The following EPHA6 variants were observed in gnomAD, a reference collection of about 807,000 sequenced individuals.
EPHA6 encodes EPH receptor A6.
A neutral mutation model predicts 112.0 loss-of-function variants in EPHA6; 50 were observed. That is an observed-to-expected ratio of 0.45 (90% CI 0.36 to 0.56). The LOEUF (loss-of-function observed/expected upper bound fraction) is 0.56, where lower values mean the gene tolerates loss of function less well. Ranked by LOEUF, EPHA6 falls within the 20% of genes least tolerant of loss-of-function variation. The probability of loss-of-function intolerance (pLI) is 0.00; values close to 1 mark genes in which losing one functional copy is unlikely to be tolerated. For missense variants in EPHA6, 1,280 were observed against 1,417.4 expected (o/e 0.90, Z 1.56); for synonymous variants, 529 against 490.7 (o/e 1.08, Z -1.03).
chr3:97,455,001 C>G (rs1003940041), intron 7 of EPHA6, among the ~76,000 whole-genome samples: 3 of 151,958 alleles, frequency 2.0e-5, no homozygotes, highest in African/African-American at 7.2e-5. Flanking sequence ...AGCACACTTT[C>G]AACATTGGCA....
intron 15 of EPHA6, among the ~76,000 whole-genome samples, chr3:97,727,864 A>T (rs1158488690): frequency 6.6e-6 from 1 of 152,068 alleles, no homozygotes; most frequent in Non-Finnish European, 1.5e-5. Flanking sequence ...GAATATTACA[A>T]GATGTAATCA....
chr3:97,487,831 G>A (rs914809222), intron 10 of EPHA6, among the ~76,000 whole-genome samples: 1 of 152,138 alleles, frequency 6.6e-6, no homozygotes, highest in South Asian at 2.1e-4. Flanking sequence ...TATCTCCTTT[G>A]GCTTTTTTGC....
chr3:97,065,097 T>A (rs2046136563), intron 3 of EPHA6, among the ~76,000 whole-genome samples: 1 of 152,178 alleles, frequency 6.6e-6, no homozygotes, highest in Non-Finnish European at 1.5e-5. Flanking sequence ...CTGTCAAAAT[T>A]CTTTGAACTA....
At chr3:97,089,932 T>C (rs2047011230) in intron 3 of EPHA6, among the ~76,000 whole-genome samples, 1 of 152,130 alleles carries the variant, frequency 6.6e-6, no homozygotes, top group Admixed American at 6.6e-5. Context: ...ACTTCCTGAA[T>C]AAGGGATAAA....
At chr3:96,873,430 C>G (rs558940119) in intron 2 of EPHA6, among the ~76,000 whole-genome samples, 1 of 152,054 alleles carries the variant, frequency 6.6e-6, no homozygotes, top group Admixed American at 6.6e-5. Flanking sequence ...TTTGCTGGAC[C>G]AGGCAAAATA....
rs147644276 is a variant in EPHA6, at chr3:97,053,300, T to A, written c.1114+65307T>A. ...GTAGAGAGTACTCACAGGGTTAGTCTGGTCTAGAGAAGGACTAGTAAGTTC... is the reference window on the plus strand; with the variant it reads ...GTAGAGAGTACTCACAGGGTTAGTCAGGTCTAGAGAAGGACTAGTAAGTTC... On this transcript the variant is annotated intron_variant, in intron 3 of 17. Transcript: ENST00000389672. Among the ~76,000 whole-genome samples, 816 of 152,174 alleles carry A rather than the reference T, an allele frequency of 5.4e-3. 7 individuals carry two copies. Among genetic ancestry groups the A allele is most frequent in the African/African-American group, 0.019 (795 of 41,516 alleles).
At chr3:97,620,741 A>G (rs1235624467) in intron 13 of EPHA6, among the ~76,000 whole-genome samples, 1 of 152,090 alleles carries the variant, frequency 6.6e-6, no homozygotes, top group African/African-American at 2.4e-5. Context: ...CAGAATGGCT[A>G]TTATTAAAAA....
chr3:96,904,349 CTG>C (rs2038800459), intron 2 of EPHA6, among the ~76,000 whole-genome samples: 1 of 150,754 alleles, frequency 6.6e-6, no homozygotes, highest in Admixed American at 6.7e-5. Context: ...CAGCAAACTA[CTG>C]CAAGGACAAA....
chr3:97,341,374 C>G (rs75873146), intron 5 of EPHA6, among the ~76,000 whole-genome samples: 1 of 145,896 alleles, frequency 6.9e-6, no homozygotes, highest in Admixed American at 6.8e-5. Flanking sequence ...TTTTTTTTTT[C>G]AGACGGAGTC....
chr3:97,499,433 A>G (rs1370955513), intron 10 of EPHA6, among the ~76,000 whole-genome samples: 1 of 152,200 alleles, frequency 6.6e-6, no homozygotes, highest in Non-Finnish European at 1.5e-5. Flanking sequence ...CAAAACATAC[A>G]AACAGCATAT....
intron 3 of EPHA6, among the ~76,000 whole-genome samples, chr3:97,116,406 T>G (rs1392139576): frequency 6.6e-6 from 1 of 151,670 alleles, no homozygotes; most frequent in Non-Finnish European, 1.5e-5. Context: ...AGGTATACAA[T>G]ACAGTATTAT....
chr3:97,667,911 C>A (rs1347638865), intron 14 of EPHA6, among the ~76,000 whole-genome samples: 2 of 152,146 alleles, frequency 1.3e-5, no homozygotes, highest in Non-Finnish European at 2.9e-5. Flanking sequence ...CTTCTTGGAA[C>A]TAAAAGAGCA....
rs1030007800 is a variant in EPHA6 at position 97,759,702 on chromosome 3, C to T, written c.*11001C>T. The T allele has an allele frequency of 2.2e-5, 5 of 227,196 alleles. No homozygotes were observed. The highest frequency in any genetic ancestry group is 1.8e-4 in the South Asian group (1 of 5,460). 14.1% of individuals were successfully genotyped at this position (227,196 alleles called of 1,614,324 possible). On this transcript the variant is annotated 3_prime_UTR_variant, in exon 18 of 18. Coordinates refer to ENST00000389672, the MANE Select transcript of EPHA6 (RefSeq NM_001080448.3). Reference sequence around the variant, plus strand: ...TGGTAGAAAGGGAAGGATGTCACTACGTAAGTTTTTTTTTAATTTTACCAA... The same window carrying T: ...TGGTAGAAAGGGAAGGATGTCACTATGTAAGTTTTTTTTTAATTTTACCAA...
intron 11 of EPHA6, among the ~76,000 whole-genome samples, chr3:97,556,673 G>C (rs1332338053): frequency 6.6e-6 from 1 of 152,018 alleles, no homozygotes; most frequent in African/African-American, 2.4e-5. Flanking sequence ...GGTGGGGACA[G>C]AGCCAAACAA....
At chr3:97,326,071 A>C (rs2082405974) in intron 5 of EPHA6, among the ~76,000 whole-genome samples, 1 of 152,094 alleles carries the variant, frequency 6.6e-6, no homozygotes, top group Non-Finnish European at 1.5e-5. Context: ...TTGTATGAGA[A>C]AGATTGTTAC....
At chr3:97,298,454 A>G (rs1469316439) in intron 5 of EPHA6, among the ~76,000 whole-genome samples, 1 of 152,178 alleles carries the variant, frequency 6.6e-6, no homozygotes, top group Non-Finnish European at 1.5e-5. Context: ...GGACATGGGG[A>G]CAACTTAGTA....
chr3:97,711,639 G>A (rs1398900321), intron 14 of EPHA6, among the ~76,000 whole-genome samples: 8 of 152,106 alleles, frequency 5.3e-5, no homozygotes, highest in Non-Finnish European at 1.0e-4. Flanking sequence ...GAAGATGGAT[G>A]TCCCAGCTCC....
At chr3:96,982,751 A>C (rs1336142075) in intron 2 of EPHA6, among the ~76,000 whole-genome samples, 1 of 152,182 alleles carries the variant, frequency 6.6e-6, no homozygotes, top group South Asian at 2.1e-4. Flanking sequence ...TATTGAATGC[A>C]TATATATTTA....
chr3:97,709,136 C>A (rs1239668561), intron 14 of EPHA6, among the ~76,000 whole-genome samples: 1 of 141,024 alleles, frequency 7.1e-6, no homozygotes, highest in East Asian at 2.1e-4. Context: ...GTGTTACATA[C>A]ACCTGGCCCC....
Sources: allele counts gnomAD v4.1 joint callset (sites outside exome capture counted in the v4.1 genomes callset), GRCh38; gene constraint gnomAD v4.1.1; transcripts MANE v1.5; gene names NCBI Gene and HGNC (gene_info 2026-07-23, HGNC 2026-07-21).